TENM2: variants seen among roughly 807,000 people sequenced by gnomAD.
The protein encoded by TENM2 is teneurin transmembrane protein 2, also known as teneurin-2.
Under a neutral mutation model 245.2 loss-of-function variants are expected in TENM2, and 52 were observed. The observed-to-expected ratio is 0.21, with a 90% confidence interval of 0.17 to 0.27. TENM2 has a LOEUF of 0.27. Among genes scored for constraint, TENM2 ranks in the 10% least tolerant of loss-of-function variants. The pLI is 1.00. For missense variants in TENM2, 3,046 were observed against 3,666.8 expected (o/e 0.83, Z 4.37); for synonymous variants, 1,363 against 1,438.9 (o/e 0.95, Z 1.19).
intron 3 of TENM2, among the ~76,000 whole-genome samples, chr5:167,946,086 A>G (rs1245041637): frequency 2.6e-5 from 4 of 152,232 alleles, no homozygotes; most frequent in Non-Finnish European, 5.9e-5. Flanking sequence ...ATGCAAGTCC[A>G]TTCTTTAGGA....
intron 2 of TENM2, among the ~76,000 whole-genome samples, chr5:167,816,834 C>T (rs535024056): frequency 2.6e-5 from 3 of 114,208 alleles, no homozygotes; most frequent in South Asian, 3.0e-4. Flanking sequence ...GGGTGAAGTA[C>T]ACCTTGTAAG....
intron 2 of TENM2, among the ~76,000 whole-genome samples, chr5:167,545,474 A>G (rs1004826296): frequency 6.6e-6 from 1 of 152,212 alleles, no homozygotes; most frequent in Non-Finnish European, 1.5e-5. Context: ...AAAGGGCAGA[A>G]TCTTGCTAGA....
intron 1 of TENM2, among the ~76,000 whole-genome samples, chr5:167,309,547 G>GA (rs1278614387): frequency 1.3e-5 from 2 of 152,260 alleles, no homozygotes; most frequent in Non-Finnish European, 2.9e-5. Flanking sequence ...CAAACAGCTG[G>GA]AAAAACCTCT....
At chr5:167,508,193 C>T (rs1769684760) in intron 2 of TENM2, among the ~76,000 whole-genome samples, 1 of 152,114 alleles carries the variant, frequency 6.6e-6, no homozygotes, top group South Asian at 2.1e-4. Flanking sequence ...TCACTTTAAG[C>T]ATTTTCAGCT....
chr5:168,101,248 G>A (rs147146294), intron 9 of TENM2, among the ~76,000 whole-genome samples: 1 of 152,266 alleles, frequency 6.6e-6, no homozygotes, highest in East Asian at 1.9e-4. Flanking sequence ...ATGAGAAGAA[G>A]GACAGAGTCG....
chr5:167,031,800 G>A, the TENM2 span, among the ~76,000 whole-genome samples: 1 of 152,148 alleles, frequency 6.6e-6, no homozygotes, highest in African/African-American at 2.4e-5. Context: ...CCCGAGCTCA[G>A]GTGATCTGCC....
intron 12 of TENM2, among the ~76,000 whole-genome samples, chr5:168,135,200 G>T (rs931675130): frequency 6.6e-6 from 1 of 152,096 alleles, no homozygotes; most frequent in Non-Finnish European, 1.5e-5. Flanking sequence ...CAATTTCTTG[G>T]CTCCTTTGGA....
intron 2 of TENM2, among the ~76,000 whole-genome samples, chr5:167,603,587 G>A (rs1332625367): frequency 6.6e-6 from 1 of 152,136 alleles, no homozygotes; most frequent in Non-Finnish European, 1.5e-5. Flanking sequence ...AGGCAGGGGT[G>A]GGAGGATTGC....
intron 2 of TENM2, among the ~76,000 whole-genome samples, chr5:167,480,892 T>C (rs1272636306): frequency 6.6e-6 from 1 of 152,210 alleles, no homozygotes; most frequent in African/African-American, 2.4e-5. Context: ...TTTGATGTTA[T>C]TTCTTAAAAG....
At chr5:167,557,143 AT>A (rs1273158042) in intron 2 of TENM2, among the ~76,000 whole-genome samples, 1 of 152,194 alleles carries the variant, frequency 6.6e-6, no homozygotes, top group African/African-American at 2.4e-5. Context: ...TGAAAATTTA[AT>A]TATGGATGAT....
At chr5:167,665,838 A>G (rs1304117733) in intron 2 of TENM2, among the ~76,000 whole-genome samples, 1 of 152,090 alleles carries the variant, frequency 6.6e-6, no homozygotes, top group Admixed American at 6.6e-5. Context: ...TTTACTTTGC[A>G]CTAGTAACAA....
intron 2 of TENM2, among the ~76,000 whole-genome samples, chr5:167,546,750 C>T (rs1772585922): frequency 6.6e-6 from 1 of 152,166 alleles, no homozygotes; most frequent in South Asian, 2.1e-4. Flanking sequence ...GACAACCAAG[C>T]ATCAGATATT....
the TENM2 span, among the ~76,000 whole-genome samples, chr5:167,241,256 G>T: frequency 6.6e-6 from 1 of 152,128 alleles, no homozygotes; most frequent in East Asian, 1.9e-4. Context: ...AGTCAGGCGG[G>T]TTAGAAGTAA....
chr5:167,191,512 A>G, the TENM2 span, among the ~76,000 whole-genome samples: 2 of 151,964 alleles, frequency 1.3e-5, no homozygotes, highest in African/African-American at 4.8e-5. Context: ...GTGCCCTGTG[A>G]GTGTGGATTA....
At chr5:167,264,617 C>A in the TENM2 span, among the ~76,000 whole-genome samples, 1 of 152,260 alleles carries the variant, frequency 6.6e-6, no homozygotes, top group East Asian at 1.9e-4. Flanking sequence ...AATAGATATA[C>A]TGCAATATCT....
chr5:167,985,020 T>G (rs1783130662), intron 4 of TENM2, among the ~76,000 whole-genome samples: 1 of 152,236 alleles, frequency 6.6e-6, no homozygotes, highest in Non-Finnish European at 1.5e-5. Context: ...TTATAACTCC[T>G]GAAAACCTAA....
At chr5:167,794,414 A>C (rs1321179676) in intron 2 of TENM2, among the ~76,000 whole-genome samples, 3 of 152,202 alleles carry the variant, frequency 2.0e-5, no homozygotes, top group Admixed American at 2.0e-4. Flanking sequence ...CAATTCCTCT[A>C]CTAGGAAAAT....
At chr5:167,085,313 G>A in the TENM2 span, among the ~76,000 whole-genome samples, 1 of 152,160 alleles carries the variant, frequency 6.6e-6, no homozygotes, top group African/African-American at 2.4e-5. Flanking sequence ...TTCGTTTGAT[G>A]TTTGGAGCCT....
At chr5:167,358,831 AC>A (rs1759513988) in intron 1 of TENM2, among the ~76,000 whole-genome samples, 1 of 147,606 alleles carries the variant, frequency 6.8e-6, no homozygotes, top group African/African-American at 2.5e-5. Context: ...ACACACACAC[AC>A]ACACACACAC....
Sources: gnomAD v4.1 joint callset for allele counts (sites outside exome capture counted in the v4.1 genomes callset) on GRCh38, gnomAD v4.1.1 for gene constraint, MANE v1.5 for transcripts, NCBI Gene and HGNC (gene_info 2026-07-23, HGNC 2026-07-21) for gene names.